Variants in MANBA observed in about 807,000 individuals in gnomAD.
The protein encoded by MANBA is mannosidase beta.
A neutral mutation model predicts 111.1 loss-of-function variants in MANBA; 83 were observed. The observed-to-expected ratio is 0.75, with a 90% CI of 0.63 to 0.90. MANBA has a LOEUF of 0.90. MANBA is among the 40% of genes least tolerant of loss of function. The pLI is 0.00. For missense variants in MANBA, 1,036 were observed against 1,069.0 expected, an observed-to-expected ratio of 0.97 and a Z score of 0.43; for synonymous variants, 370 against 378.7, an observed-to-expected ratio of 0.98 and a Z score of 0.27.
chr4:102,733,456 CA>C (rs1321386822), intron 1 of MANBA, among the ~76,000 whole-genome samples: 2 of 151,944 alleles, frequency 1.3e-5, no homozygotes, highest in African/African-American at 2.4e-5. Context: ...GGGGCTCAAG[CA>C]ACCCTCCCAG....
intron 4 of MANBA, among the ~76,000 whole-genome samples, chr4:102,715,754 T>C (rs1380074108): frequency 6.6e-6 from 1 of 152,214 alleles, no homozygotes. Flanking sequence ...CATAATTTGT[T>C]ACATCACAAT....
At chr4:102,727,340 T>C in intron 1 of MANBA, 2 of 691,410 alleles carry the variant, frequency 2.9e-6, no homozygotes, top group South Asian at 1.7e-5. Context: ...CAGTTTTCCA[T>C]TGGTCTGTAT....
intron 6 of MANBA, 94 bp from the exon 7 acceptor site, chr4:102,689,778 A>G: frequency 1.3e-6 from 1 of 769,106 alleles, no homozygotes; most frequent in Non-Finnish European, 2.4e-6. Flanking sequence ...GTCAAGTACA[A>G]AACTCTAGGT....
In MANBA at chr4:102,631,251, C is replaced by T. The variant is rs1033329403; in HGVS notation, c.*806G>A. Reference sequence around the variant, plus strand: ...ACATAATGCTTCTCATTTTTAAAACCAAAACCACTAATAATATCTTAATTT... The same window carrying T: ...ACATAATGCTTCTCATTTTTAAAACTAAAACCACTAATAATATCTTAATTT... On this transcript the variant is annotated 3_prime_UTR_variant, in exon 17 of 17. Transcript: ENST00000647097. 1 of 151,606 alleles carries T rather than the reference C, an allele frequency of 6.6e-6. No individual in the cohort carries two copies. Among genetic ancestry groups the T allele is most frequent in the Admixed American group, 6.6e-5 (1 of 15,182 alleles). 9.4% of individuals were successfully genotyped at this position (151,606 alleles called of 1,614,324 possible).
At chr4:102,653,013 T>G (rs1578871696) in intron 12 of MANBA, among the ~76,000 whole-genome samples, 1 of 152,272 alleles carries the variant, frequency 6.6e-6, no homozygotes, top group East Asian at 1.9e-4. Context: ...TAATGCAGTC[T>G]AGCTCCAGTC....
chr4:102,714,441 A>G lies in MANBA; in HGVS notation c.670T>C (p.Tyr224His). The G allele has an allele frequency of 6.2e-7, 1 of 1,604,498 alleles. No individual in the cohort carries two copies. Among genetic ancestry groups the G allele is most frequent in the Non-Finnish European group, 8.5e-7 (1 of 1,171,384 alleles). Reference protein sequence around the residue: ...HLNYFTFSPIYDKSAQEWNLE... With the variant: ...HLNYFTFSPIHDKSAQEWNLE... ...AAAATCACATCTTTCAGCTTACCAT[A>G]TATTGGGGAAAATGTGAAGTAGTTC... Residue 224 changes from tyrosine (Y) to histidine (H), a missense_variant, in exon 5 of 17, where the codon TAT becomes CAT. Transcript: ENST00000647097.
intron 12 of MANBA, among the ~76,000 whole-genome samples, chr4:102,651,860 A>C (rs1730347519): frequency 6.6e-6 from 1 of 152,212 alleles, no homozygotes; most frequent in South Asian, 2.1e-4. Flanking sequence ...TTTAAAGGAG[A>C]GATTCACATT....
chr4:102,760,086 G>C (rs866766670), intron 1 of MANBA, among the ~76,000 whole-genome samples: 1 of 116,580 alleles, frequency 8.6e-6, no homozygotes, highest in African/African-American at 3.7e-5. Context: ...GACTCCATTG[G>C]GATACACACA....
intron 16 of MANBA, chr4:102,633,544 T>C: frequency 2.5e-6 from 1 of 397,806 alleles, no homozygotes; most frequent in Non-Finnish European, 4.4e-6. Context: ...ATACCTAGTC[T>C]ATATTAGCCC....
At chr4:102,633,226 TG>T in intron 16 of MANBA, 1 of 398,518 alleles carries the variant, frequency 2.5e-6, no homozygotes, top group Non-Finnish European at 4.4e-6. Context: ...GGCTTGAATT[TG>T]GATGGCAAAT....
intron 12 of MANBA, among the ~76,000 whole-genome samples, chr4:102,652,205 T>C (rs1338274951): frequency 1.3e-5 from 2 of 152,220 alleles, no homozygotes. Context: ...ATTCTTCCCA[T>C]CTAGCTATAC....
chr4:102,652,799 G>A (rs1730396785), intron 12 of MANBA, among the ~76,000 whole-genome samples: 1 of 152,198 alleles, frequency 6.6e-6, no homozygotes, highest in Non-Finnish European at 1.5e-5. Context: ...GGAGGCTAAA[G>A]TGGGATGATT....
chr4:102,705,393 A>G (rs1733251605), intron 5 of MANBA, among the ~76,000 whole-genome samples: 1 of 152,192 alleles, frequency 6.6e-6, no homozygotes, highest in Non-Finnish European at 1.5e-5. Context: ...TTTGGGCTTA[A>G]TAGCCCCTAC....
At chr4:102,662,011 T>G (rs1439723035) in intron 11 of MANBA, among the ~76,000 whole-genome samples, 1 of 152,156 alleles carries the variant, frequency 6.6e-6, no homozygotes, top group East Asian at 1.9e-4. Flanking sequence ...TGAAAAAATT[T>G]ACAAACATCA....
In MANBA at chr4:102,719,865, G is replaced by A. The variant is rs180823812; in HGVS notation, c.549+3006C>T. 2.1e-4 allele frequency among the ~76,000 whole-genome samples: 32 copies of A among 152,280 alleles called. No homozygotes were observed. The East Asian group carries it at 5.0e-3, about 24-fold the overall frequency. The stretch of plus-strand genomic sequence containing the variant: ...ATGTCAATCTAGTCAGAAATACCTA[G>A]ATGCAACTTGCAATTGTTCTGGAAG... On this transcript the variant is annotated intron_variant, in intron 4 of 16. Coordinates refer to ENST00000647097, the MANE Select transcript of MANBA (RefSeq NM_005908.4).
At chr4:102,737,272 G>A (rs1262546791) in intron 1 of MANBA, among the ~76,000 whole-genome samples, 1 of 152,230 alleles carries the variant, frequency 6.6e-6, no homozygotes, top group Non-Finnish European at 1.5e-5. Flanking sequence ...CACAGCCAAA[G>A]GTGTGAGCAG....
rs1041410414 is a variant in MANBA at position 102,701,689 on chromosome 4, C to T, written c.674-10918G>A. On this transcript the variant is annotated intron_variant, in intron 5 of 16. Transcript: ENST00000647097. ...CTTTAAGAATGTTGAATATTGGCCC[C>T]CACTCTCTTCTGGCTTGTAGAGTTT... Among the ~76,000 whole-genome samples the T allele has an allele frequency of 5.3e-3, 803 of 151,924 alleles. 2 individuals are homozygous for T. The highest frequency in any genetic ancestry group is 0.01 in the Middle Eastern group (3 of 294).
chr4:102,653,821 T>G (rs1229569825), intron 12 of MANBA, among the ~76,000 whole-genome samples: 1 of 152,170 alleles, frequency 6.6e-6, no homozygotes, highest in African/African-American at 2.4e-5. Context: ...GTTTAGCAAT[T>G]TCTAACACTA....
chr4:102,684,595 T>G (rs1732128293), intron 7 of MANBA, among the ~76,000 whole-genome samples: 2 of 152,136 alleles, frequency 1.3e-5, no homozygotes, highest in Admixed American at 6.5e-5. Flanking sequence ...TTATACAACT[T>G]AAATAGACAA....
Sources: allele counts gnomAD v4.1 joint callset (sites outside exome capture counted in the v4.1 genomes callset), GRCh38; gene constraint gnomAD v4.1.1; transcripts MANE v1.5; gene names NCBI Gene and HGNC (gene_info 2026-07-23, HGNC 2026-07-21).